SND1: variants seen among roughly 807,000 people sequenced by gnomAD.
The protein encoded by SND1 is staphylococcal nuclease domain-containing protein 1.
SND1 carries 38 observed loss-of-function variants against 121.7 expected under a neutral mutation model. The observed-to-expected ratio is 0.31, with a 90% CI of 0.24 to 0.41. The LOEUF (loss-of-function observed/expected upper bound fraction) is 0.41, where lower values mean the gene tolerates loss of function less well. Among genes scored for constraint, SND1 ranks in the 10% least tolerant of loss-of-function variants. The probability of loss-of-function intolerance (pLI) is 1.00; values close to 1 mark genes in which losing one functional copy is unlikely to be tolerated. For synonymous variants in SND1, 401 were observed against 447.4 expected, an observed-to-expected ratio of 0.90 and a Z score of 1.31; for missense variants, 868 against 1,184.6, an observed-to-expected ratio of 0.73 and a Z score of 3.92.
chr7:127,777,190 C>T (rs1563009544), intron 10 of SND1, among the ~76,000 whole-genome samples: 1 of 152,198 alleles, frequency 6.6e-6, no homozygotes, highest in African/African-American at 2.4e-5. Context: ...ACTTGCTGCA[C>T]TCTCCTGTCT....
intron 12 of SND1, among the ~76,000 whole-genome samples, chr7:127,882,262 A>G (rs1354199415): frequency 2.0e-5 from 3 of 151,200 alleles, no homozygotes; most frequent in African/African-American, 7.3e-5. Flanking sequence ...CCTTTTATAT[A>G]TGTTAAAAAA....
In SND1 at chr7:127,686,755, C is replaced by G; in HGVS notation, c.221C>G (p.Pro74Arg). 6.2e-7 allele frequency: 1 copy of G among 1,613,496 alleles called. No homozygotes were observed. Among genetic ancestry groups the G allele is most frequent in the Non-Finnish European group, 8.5e-7 (1 of 1,179,474 alleles). The change falls in exon 2 of 24, where the codon CCT becomes CGT. Residue 74 changes from proline (P) to arginine (R), a missense_variant. Pro to Arg is a moderately radical substitution (Grantham distance 103). Around this residue, in one of 2 missense-constraint regions of SND1, gnomAD observed 125 missense variants for 113.3 expected, o/e 1.10. Coordinates refer to ENST00000354725, the MANE Select transcript of SND1 (RefSeq NM_014390.4). ...AATQPDAKDT[P>R]DEPWAFPARE... ...ACACAACCTGATGCAAAGGATACCC[C>G]TGATGAGGTAGGTGTTTCCTGAGGC... is the stretch of plus-strand genomic sequence containing the variant.
At chr7:127,776,897 T>C (rs1290964130) in intron 10 of SND1, among the ~76,000 whole-genome samples, 1 of 152,224 alleles carries the variant, frequency 6.6e-6, no homozygotes, top group Non-Finnish European at 1.5e-5. Flanking sequence ...AAATTTCTGC[T>C]AGGGGACCAA....
At chr7:127,882,973 T>C (rs1258922151) in intron 12 of SND1, among the ~76,000 whole-genome samples, 1 of 152,126 alleles carries the variant, frequency 6.6e-6, no homozygotes, top group African/African-American at 2.4e-5. Flanking sequence ...CCATGTCAGC[T>C]AGAAACAAAA....
chr7:127,727,799 GAGA>G (rs757354531), intron 10 of SND1, among the ~76,000 whole-genome samples: 1 of 152,154 alleles, frequency 6.6e-6, no homozygotes, highest in Non-Finnish European at 1.5e-5. Context: ...GGGCATTTTT[GAGA>G]AGAACACTTG....
intron 15 of SND1, among the ~76,000 whole-genome samples, chr7:127,949,520 C>CA (rs1801412653): frequency 2.0e-5 from 3 of 152,048 alleles, no homozygotes; most frequent in Admixed American, 2.0e-4. Flanking sequence ...CATTTAAGAA[C>CA]AAAAAAACTG....
At chr7:127,757,246 T>G (rs1251297677) in intron 10 of SND1, among the ~76,000 whole-genome samples, 1 of 152,224 alleles carries the variant, frequency 6.6e-6, no homozygotes, top group Non-Finnish European at 1.5e-5. Flanking sequence ...AGATTTATCT[T>G]TGCTGTTATT....
rs145606103 is a variant in SND1 at position 127,870,180 on chromosome 7, T to C, written c.1344-17722T>C. 6.4e-4 allele frequency among the ~76,000 whole-genome samples: 97 copies of C among 152,322 alleles called. 3 individuals are homozygous for C. The East Asian group carries it at 0.016, about 26-fold the overall frequency. ...GATTCTTTCAGTAATAATTTTTTGG[T>C]GAGAGGACTGTAGTAGTCACCAACT... On this transcript the variant is annotated intron_variant, in intron 12 of 23. Transcript: ENST00000354725.
In SND1 at chr7:127,672,652, A is replaced by G. The variant is rs1795541635; in HGVS notation, c.79-13961A>G. ...AAGAAAAAGAAATTAACATGGATAC[A>G]ATACTGCCATCCAACCGGCAAACTC... On this transcript the variant is annotated intron_variant, in intron 1 of 23. Coordinates refer to ENST00000354725, the MANE Select transcript of SND1 (RefSeq NM_014390.4). 3.9e-5 allele frequency among the ~76,000 whole-genome samples: 6 copies of G among 152,162 alleles called. No individual in the cohort carries two copies. The South Asian group carries it at 1.2e-3, about 32-fold the overall frequency.
chr7:127,677,622 G>A (rs1177246697), intron 1 of SND1, among the ~76,000 whole-genome samples: 1 of 152,162 alleles, frequency 6.6e-6, no homozygotes, highest in Non-Finnish European at 1.5e-5. Context: ...GGTCTCTGTC[G>A]CAACTACTCA....
At chr7:127,872,628 GCACA>G (rs56324746) in intron 12 of SND1, among the ~76,000 whole-genome samples, 37,950 of 139,732 alleles carry the variant, frequency 0.27, 5,722 homozygotes, top group East Asian at 0.65. Flanking sequence ...TAACACACAC[GCACA>G]CACACACACA....
At chr7:128,084,386 ACTTT>A (rs1364625134) in intron 18 of SND1, among the ~76,000 whole-genome samples, 1 of 152,096 alleles carries the variant, frequency 6.6e-6, no homozygotes, top group Non-Finnish European at 1.5e-5. Context: ...CTCCCTGTCT[ACTTT>A]CTTTCTCCAC....
intron 15 of SND1, among the ~76,000 whole-genome samples, chr7:127,931,978 T>A (rs1800964208): frequency 1.3e-5 from 2 of 152,248 alleles, no homozygotes; most frequent in Admixed American, 1.3e-4. Context: ...CTGAAAGAGT[T>A]GTACAAGAAG....
At chr7:127,763,471 C>G (rs1340414058) in intron 10 of SND1, among the ~76,000 whole-genome samples, 1 of 152,106 alleles carries the variant, frequency 6.6e-6, no homozygotes, top group African/African-American at 2.4e-5. Context: ...CTCAGCCTTT[C>G]AAGTAGTTAG....
At position 128,036,214 on chromosome 7, in the gene SND1, T is replaced by A. The variant is rs532070765; in HGVS notation, c.1780-38288T>A. On this transcript the variant is annotated intron_variant, in intron 16 of 23. Coordinates refer to ENST00000354725, the MANE Select transcript of SND1 (RefSeq NM_014390.4). ...GGTAATGAACACATTTGTGTGTGTGTGTGTGTGTCTTAGTTCCACCCACGT... is the reference window on the plus strand; with the variant it reads ...GGTAATGAACACATTTGTGTGTGTGAGTGTGTGTCTTAGTTCCACCCACGT... 7.9e-5 allele frequency among the ~76,000 whole-genome samples: 12 copies of A among 152,234 alleles called. No individual in the cohort carries two copies. In the South Asian group the frequency reaches 2.5e-3, roughly 32 times the overall value.
chr7:127,721,309 A>T lies in SND1; in HGVS notation c.1061A>T (p.Asp354Val). 1 of 1,613,652 alleles carries T rather than the reference A, an allele frequency of 6.2e-7. No homozygotes were observed. Residue 354 changes from aspartate (D) to valine (V), a missense_variant, in exon 10 of 24, where the codon GAT (aspartate) becomes GTT (valine). By Grantham distance (152) the Asp-to-Val change is radical. Around this residue, in one of 2 missense-constraint regions of SND1, gnomAD observed 743 missense variants for 1,071.3 expected, o/e 0.69. Coordinates refer to ENST00000354725, the MANE Select transcript of SND1 (RefSeq NM_014390.4). ...VAKVMQVLNA[D>V]AIVVKLNSGD... is the part of the protein sequence containing the mutation. ...CAGGTGATGCAGGTTCTGAATGCTG[A>T]TGCCATTGTTGTGAAGCTGAACTCA...
At position 128,041,146 on chromosome 7, in the gene SND1, G is replaced by A. The variant is rs577864703; in HGVS notation, c.1780-33356G>A. ...AGGACAAGCACTTTACCTTAAGAGC[G>A]GAGGGGGCCCCGGTGCAGGGGCTCC... On this transcript the variant is annotated intron_variant, in intron 16 of 23. Transcript: ENST00000354725. Among the ~76,000 whole-genome samples the A allele has an allele frequency of 1.4e-4, 21 of 152,152 alleles. 1 individual carries two copies. The highest frequency in any genetic ancestry group is 6.5e-5 in the Admixed American group (1 of 15,274).
chr7:128,031,608 GC>G, intron 16 of SND1: 1 of 149,100 alleles, frequency 6.7e-6, no homozygotes, highest in Non-Finnish European at 1.5e-5. Flanking sequence ...GCTCCGTCCG[GC>G]CCCCGAGGAC....
chr7:128,046,212 C>A (rs1458189179), intron 16 of SND1, among the ~76,000 whole-genome samples: 1 of 152,160 alleles, frequency 6.6e-6, no homozygotes, highest in Non-Finnish European at 1.5e-5. Flanking sequence ...TCCTCCCAAC[C>A]TCAGCCTCCT....
Sources: gnomAD v4.1 joint callset for allele counts (sites outside exome capture counted in the v4.1 genomes callset) on GRCh38, gnomAD v4.1.1 for gene constraint, gnomAD v4.1.1 regional missense constraint, MANE v1.5 for transcripts, NCBI Gene and HGNC (gene_info 2026-07-23, HGNC 2026-07-21) for gene names.